Variants in PBX1 observed in about 807,000 individuals in gnomAD.
PBX1 encodes PBX homeobox 1.
Under a neutral mutation model 53.4 loss-of-function variants are expected in PBX1, and 6 were observed. The ratio of observed to expected loss-of-function variants is 0.11; its 90% CI spans 0.06 to 0.22. The LOEUF (loss-of-function observed/expected upper bound fraction) is 0.22. Ranked by LOEUF, PBX1 falls within the 10% of genes least tolerant of loss-of-function variation. PBX1 has a pLI of 1.00. For synonymous variants in PBX1, 204 were observed against 212.3 expected (o/e 0.96, Z 0.34); for missense variants, 251 against 551.4 (o/e 0.46, Z 5.46).
At chr1:164,617,734 C>A (rs1405401331) in intron 2 of PBX1, among the ~76,000 whole-genome samples, 1 of 152,136 alleles carries the variant, frequency 6.6e-6, no homozygotes, top group Non-Finnish European at 1.5e-5. Flanking sequence ...AATGTACTTG[C>A]TTTGTTCTGT....
intron 2 of PBX1, among the ~76,000 whole-genome samples, chr1:164,578,863 C>G (rs1654426551): frequency 6.6e-6 from 1 of 152,156 alleles, no homozygotes; most frequent in Admixed American, 6.5e-5. Context: ...TCCTCAAGCA[C>G]TGTAACCTCC....
chr1:164,839,880 C>T (rs1461091914), intron 8 of PBX1, among the ~76,000 whole-genome samples: 1 of 151,806 alleles, frequency 6.6e-6, no homozygotes, highest in Non-Finnish European at 1.5e-5. Flanking sequence ...TATGAAGCCA[C>T]CAGGGGCTGA....
At chr1:164,756,073 T>C (rs1284074361) in intron 2 of PBX1, among the ~76,000 whole-genome samples, 6 of 152,000 alleles carry the variant, frequency 3.9e-5, no homozygotes, top group Admixed American at 3.9e-4. Context: ...TGGCATACAA[T>C]TAATATCTGT....
intron 2 of PBX1, among the ~76,000 whole-genome samples, chr1:164,639,401 G>A (rs527672061): frequency 6.6e-6 from 1 of 152,306 alleles, no homozygotes; most frequent in South Asian, 2.1e-4. Flanking sequence ...GATGCTGGGT[G>A]CCTGGATGGT....
intron 2 of PBX1, among the ~76,000 whole-genome samples, chr1:164,603,961 T>TTTTTTTTTTTTA (rs1553214847): frequency 3.8e-5 from 5 of 131,982 alleles, no homozygotes; most frequent in African/African-American, 1.4e-4. Context: ...TTTTTTTTTT[T>TTTTTTTTTTTTA]TAGAGATGAG....
chr1:164,613,529 C>A (rs926741291), intron 2 of PBX1, among the ~76,000 whole-genome samples: 6 of 152,114 alleles, frequency 3.9e-5, no homozygotes, highest in African/African-American at 1.4e-4. Flanking sequence ...TCCTGTGAGC[C>A]CCCCTAGCAT....
At chr1:164,704,045 T>A (rs936530334) in intron 2 of PBX1, among the ~76,000 whole-genome samples, 1 of 152,196 alleles carries the variant, frequency 6.6e-6, no homozygotes, top group Admixed American at 6.5e-5. Context: ...GGTAAAATGC[T>A]GCAATAGATG....
chr1:164,592,076 G>A (rs1350775741), intron 2 of PBX1, among the ~76,000 whole-genome samples: 4 of 151,820 alleles, frequency 2.6e-5, no homozygotes, highest in East Asian at 1.9e-4. Context: ...AGTAGTTAAT[G>A]TGGCTGGGGG....
chr1:164,584,170 A>T (rs1204800396), intron 2 of PBX1, among the ~76,000 whole-genome samples: 3 of 152,076 alleles, frequency 2.0e-5, no homozygotes, highest in Admixed American at 6.6e-5. Context: ...TCTACTTTGG[A>T]TTTACTTATA....
At chr1:164,787,960 G>T (rs1225348463) in intron 2 of PBX1, among the ~76,000 whole-genome samples, 2 of 152,160 alleles carry the variant, frequency 1.3e-5, no homozygotes, top group Non-Finnish European at 2.9e-5. Context: ...GACATTTTTC[G>T]GGTAGTGGAC....
chr1:164,821,372 C>T (rs144424176), intron 7 of PBX1, among the ~76,000 whole-genome samples, 165 bp from the exon 8 acceptor site: 269 of 152,284 alleles, frequency 1.8e-3, no homozygotes, highest in African/African-American at 6.1e-3. Context: ...GATTGGCATA[C>T]GGAGGAAGCT....
In PBX1 at chr1:164,728,187, T is replaced by C. The variant is rs933413953; in HGVS notation, c.266-64307T>C. 3.9e-5 allele frequency among the ~76,000 whole-genome samples: 6 copies of C among 152,124 alleles called. 1 individual carries two copies. The South Asian group carries it at 1.0e-3, about 26-fold the overall frequency. On this transcript the variant is annotated intron_variant, in intron 2 of 8. Transcript: ENST00000420696. ...AAAAAATTAGCCAGGCTTGGTGATA[T>C]GTGCCTGTAGTTCCAGCTAGTCTGG...
intron 2 of PBX1, among the ~76,000 whole-genome samples, chr1:164,880,454 C>T (rs554272779): frequency 6.6e-6 from 1 of 152,238 alleles, no homozygotes; most frequent in South Asian, 2.1e-4. Context: ...GCTGAGACAC[C>T]AAGGTGTGGG....
intron 2 of PBX1, among the ~76,000 whole-genome samples, chr1:164,609,137 G>T (rs1038951377): frequency 2.0e-5 from 3 of 152,040 alleles, no homozygotes; most frequent in South Asian, 2.1e-4. Flanking sequence ...TTTTCAGGAG[G>T]CCTCTTTGTT....
intron 8 of PBX1, chr1:164,831,612 A>C (rs762109076): frequency 2.0e-5 from 3 of 152,024 alleles, no homozygotes; most frequent in Non-Finnish European, 2.9e-5. Context: ...GATGGTCTCG[A>C]TCTCCTGACC....
intron 2 of PBX1, among the ~76,000 whole-genome samples, chr1:164,707,418 TGAGAGAGAGAGAGAGAGAGA>T (rs528876002): frequency 8.5e-6 from 1 of 118,214 alleles, no homozygotes; most frequent in African/African-American, 3.8e-5. Context: ...TGTGTGTGTG[TGAGAGAGAGAGAGAGAGAGA>T]GAGAGAGAGA....
At chr1:164,833,040 C>T (rs1271472957) in intron 8 of PBX1, among the ~76,000 whole-genome samples, 1 of 152,054 alleles carries the variant, frequency 6.6e-6, no homozygotes, top group Non-Finnish European at 1.5e-5. Context: ...TAATAGCTAA[C>T]ATTTATTGAC....
intron 2 of PBX1, among the ~76,000 whole-genome samples, chr1:164,692,426 CTATGA>C (rs1335161097): frequency 1.3e-5 from 2 of 152,134 alleles, no homozygotes; most frequent in Non-Finnish European, 2.9e-5. Flanking sequence ...AGGGTGTGAA[CTATGA>C]TATAATGAGG....
At position 164,703,904 on chromosome 1, in the gene PBX1, CTTT is replaced by C. The variant is rs555746628; in HGVS notation, c.266-88587_266-88585del. 1.4e-4 allele frequency among the ~76,000 whole-genome samples: 21 copies of C among 152,266 alleles called. 1 individual carries two copies. The East Asian group carries it at 4.1e-3, about 29-fold the overall frequency. Reference sequence around the variant, plus strand: ...TTCAGAGCAACTTCCCTACAAATCTCTTTTTATTGGCATTTCCTCCAATTTAAC... The same window carrying C: ...TTCAGAGCAACTTCCCTACAAATCTCTTATTGGCATTTCCTCCAATTTAAC... On this transcript the variant is annotated intron_variant, in intron 2 of 8. Coordinates refer to ENST00000420696, the MANE Select transcript of PBX1 (RefSeq NM_002585.4).
Sources: gnomAD v4.1 joint callset for allele counts (sites outside exome capture counted in the v4.1 genomes callset) on GRCh38, gnomAD v4.1.1 for gene constraint, MANE v1.5 for transcripts, NCBI Gene and HGNC (gene_info 2026-07-23, HGNC 2026-07-21) for gene names.